The following NYAP2 variants were observed in gnomAD, a reference collection of about 807,000 sequenced individuals.
The protein encoded by NYAP2 is neuronal tyrosine-phosphorylated phosphoinositide-3-kinase adapter 2.
In NYAP2, 23 loss-of-function variants were observed where a neutral mutation model predicts 50.4. The ratio of observed to expected loss-of-function variants is 0.46; its 90% CI spans 0.33 to 0.65. The LOEUF is 0.65. Among genes scored for constraint, NYAP2 ranks in the 30% least tolerant of loss-of-function variants. The pLI is 0.02. For missense variants in NYAP2, 885 were observed against 861.0 expected, an observed-to-expected ratio of 1.03 and a Z score of -0.35; for synonymous variants, 394 against 365.2, an observed-to-expected ratio of 1.08 and a Z score of -0.90.
chr2:225,666,667 C>G, the NYAP2 span, among the ~76,000 whole-genome samples: 1 of 152,062 alleles, frequency 6.6e-6, no homozygotes, highest in African/African-American at 2.4e-5. Flanking sequence ...TTGTGGAGAC[C>G]AAGGTTCTTT....
At chr2:225,628,974 T>C (rs896558611) in intron 6 of NYAP2, among the ~76,000 whole-genome samples, 2 of 152,106 alleles carry the variant, frequency 1.3e-5, no homozygotes, top group African/African-American at 4.8e-5. Context: ...CAGGATTCTC[T>C]AGAGAAACAG....
At chr2:225,404,891 T>C (rs1372931310) in intron 2 of NYAP2, among the ~76,000 whole-genome samples, 1 of 151,948 alleles carries the variant, frequency 6.6e-6, no homozygotes, top group Non-Finnish European at 1.5e-5. Flanking sequence ...CTGTAGATTG[T>C]ATAGGAAATC....
the NYAP2 span, among the ~76,000 whole-genome samples, chr2:225,688,466 G>T: frequency 2.6e-5 from 4 of 152,140 alleles, no homozygotes; most frequent in Non-Finnish European, 4.4e-5. Context: ...CTAAGAATAT[G>T]AAGATTAATA....
intron 3 of NYAP2, among the ~76,000 whole-genome samples, chr2:225,484,812 A>G (rs1005994157): frequency 2.0e-5 from 3 of 152,248 alleles, no homozygotes; most frequent in African/African-American, 7.2e-5. Context: ...GGTGGTTTCC[A>G]AAGCGTGGTC....
intron 4 of NYAP2, among the ~76,000 whole-genome samples, chr2:225,539,154 G>A (rs186156049): frequency 2.1e-3 from 322 of 152,172 alleles, no homozygotes; most frequent in African/African-American, 7.3e-3. Flanking sequence ...CTTCATCCAC[G>A]TCCTTGCAAA....
intron 3 of NYAP2, among the ~76,000 whole-genome samples, chr2:225,449,382 G>A (rs1188897947): frequency 6.6e-6 from 1 of 152,136 alleles, no homozygotes; most frequent in Non-Finnish European, 1.5e-5. Context: ...TAGATATGAA[G>A]TACTGTCTCC....
At chr2:225,630,876 G>A (rs2106260122) in intron 6 of NYAP2, among the ~76,000 whole-genome samples, 1 of 152,354 alleles carries the variant, frequency 6.6e-6, no homozygotes, top group South Asian at 2.1e-4. Flanking sequence ...ATTTACGAGG[G>A]AAAGTCAGGA....
At chr2:225,610,704 T>G (rs1310403751) in intron 5 of NYAP2, among the ~76,000 whole-genome samples, 2 of 152,250 alleles carry the variant, frequency 1.3e-5, no homozygotes, top group African/African-American at 4.8e-5. Context: ...GGCCATACAT[T>G]CATAGTTTTC....
intron 5 of NYAP2, among the ~76,000 whole-genome samples, chr2:225,623,788 C>A (rs1312028654): frequency 1.3e-5 from 2 of 152,194 alleles, no homozygotes; most frequent in East Asian, 1.9e-4. Flanking sequence ...TAAATAGCTT[C>A]TATTTCCAGA....
At chr2:225,475,524 T>G (rs1312595324) in intron 3 of NYAP2, among the ~76,000 whole-genome samples, 2 of 152,210 alleles carry the variant, frequency 1.3e-5, no homozygotes, top group African/African-American at 4.8e-5. Flanking sequence ...TATTTGAGTC[T>G]GAAAGGCAAG....
At chr2:225,569,099 T>C (rs952446753) in intron 4 of NYAP2, among the ~76,000 whole-genome samples, 1 of 152,120 alleles carries the variant, frequency 6.6e-6, no homozygotes, top group African/African-American at 2.4e-5. Flanking sequence ...AAATAATTTT[T>C]AGTGGGGAAA....
intron 3 of NYAP2, among the ~76,000 whole-genome samples, chr2:225,445,720 A>G (rs112124274): frequency 1.3e-5 from 2 of 152,156 alleles, no homozygotes; most frequent in African/African-American, 2.4e-5. Context: ...GAGCAGCCCA[A>G]TTTGGTGCTG....
At chr2:225,693,420 C>T in the NYAP2 span, among the ~76,000 whole-genome samples, 1 of 152,014 alleles carries the variant, frequency 6.6e-6, no homozygotes, top group African/African-American at 2.4e-5. Context: ...ACCAAGGATA[C>T]ATACTGCCAG....
chr2:225,506,345 G>T (rs1690706695), intron 3 of NYAP2, among the ~76,000 whole-genome samples: 1 of 152,126 alleles, frequency 6.6e-6, no homozygotes, highest in Non-Finnish European at 1.5e-5. Context: ...GGGAGAGCGT[G>T]TGAATATGAT....
the NYAP2 span, among the ~76,000 whole-genome samples, chr2:225,663,585 T>C: frequency 6.6e-6 from 1 of 151,780 alleles, no homozygotes; most frequent in Admixed American, 6.6e-5. Flanking sequence ...TGAGACAGAG[T>C]CTCACTGTGT....
At chr2:225,519,895 A>G (rs12472450) in intron 4 of NYAP2, among the ~76,000 whole-genome samples, 45,888 of 151,860 alleles carry the variant, frequency 0.3, 7,076 homozygotes, top group South Asian at 0.48. Flanking sequence ...CCAACAGTGT[A>G]AAAGTGTTCC....
intron 4 of NYAP2, among the ~76,000 whole-genome samples, chr2:225,549,115 A>G (rs1467317638): frequency 2.0e-5 from 3 of 152,154 alleles, no homozygotes; most frequent in Non-Finnish European, 4.4e-5. Context: ...TCCTGGCCTC[A>G]AGTGATCCAT....
Position 225,411,414 on chromosome 2 carries a change from T to TG in NYAP2, c.221+2320dup, listed in dbSNP as rs776058420. On this transcript the variant is annotated intron_variant, in intron 3 of 6. Transcript: ENST00000636099. ...AGGGGAGCAGGTTTAGCGTAACTGATGGGGGGGCAGGAGCTCAGCTTTGGT... is the reference window on the plus strand; with the variant it reads ...AGGGGAGCAGGTTTAGCGTAACTGATGGGGGGGGCAGGAGCTCAGCTTTGGT... Among the ~76,000 whole-genome samples, 25 of 152,076 alleles carry TG rather than the reference T, an allele frequency of 1.6e-4. No individual in the cohort carries two copies. The East Asian group carries it at 2.5e-3, about 15-fold the overall frequency.
intron 3 of NYAP2, among the ~76,000 whole-genome samples, chr2:225,421,175 G>A (rs1695209055): frequency 6.6e-6 from 1 of 152,110 alleles, no homozygotes; most frequent in South Asian, 2.1e-4. Flanking sequence ...GCTTCCAAAC[G>A]CTGAGGAGAC....
Sources: gnomAD v4.1 joint callset for allele counts (sites outside exome capture counted in the v4.1 genomes callset) on GRCh38, gnomAD v4.1.1 for gene constraint, MANE v1.5 for transcripts, NCBI Gene and HGNC (gene_info 2026-07-23, HGNC 2026-07-21) for gene names.